The following MICAL3 variants were observed in gnomAD, a reference collection of about 807,000 sequenced individuals.
MICAL3 encodes microtubule associated monooxygenase, calponin and LIM domain containing 3.
A neutral mutation model predicts 207.4 loss-of-function variants in MICAL3; 62 were observed. The ratio of observed to expected loss-of-function variants is 0.30; its 90% confidence interval spans 0.24 to 0.37. The LOEUF (loss-of-function observed/expected upper bound fraction) is 0.37. Among genes scored for constraint, MICAL3 ranks in the 10% least tolerant of loss-of-function variants. The pLI is 1.00. For missense variants in MICAL3, 2,368 were observed against 2,635.6 expected, an observed-to-expected ratio of 0.90 and a Z score of 2.22; for synonymous variants, 1,077 against 1,069.3, an observed-to-expected ratio of 1.01 and a Z score of -0.14.
At chr22:17,871,042 C>T (rs1473035003) in intron 17 of MICAL3, among the ~76,000 whole-genome samples, 1 of 152,152 alleles carries the variant, frequency 6.6e-6, no homozygotes, top group African/African-American at 2.4e-5. Context: ...AAGATTACTG[C>T]CTCTCCTATT....
rs748767631 is a variant in MICAL3, at chr22:17,823,024, T to C, written c.3230A>G (p.Asp1077Gly). ...CCCTTCTATCTCGGCTGGTTCTGAG[T>C]CCACATCTTCCTCTAGGTCATTCTC... Reference protein sequence around the residue: ...LDENDLEEDVDSEPAEIEGEA... With the variant: ...LDENDLEEDVGSEPAEIEGEA... Residue 1077 changes from aspartate (D) to glycine (G), a missense_variant, in exon 23 of 32, where the codon GAC becomes GGC. Transcript: ENST00000441493. 1.9e-6 allele frequency: 3 copies of C among 1,613,656 alleles called. No homozygotes were observed. The highest frequency in any genetic ancestry group is 2.5e-6 in the Non-Finnish European group (3 of 1,179,696).
chr22:17,875,487 G>T, intron 16 of MICAL3: 1 of 1,556,292 alleles, frequency 6.4e-7, no homozygotes, highest in South Asian at 1.2e-5. Context: ...GGGGCGGGCA[G>T]AGGAGCGGAG....
chr22:17,822,091 C>T lies in MICAL3; in HGVS notation c.3387G>A (p.Leu1129=). 1 of 1,613,970 alleles carries T rather than the reference C, an allele frequency of 6.2e-7. No individual in the cohort carries two copies. The highest frequency in any genetic ancestry group is 8.5e-7 in the Non-Finnish European group (1 of 1,179,900). ...CCTCATCTTCCGACACCCTCAGCTC[C>T]AGCTCTGCTTCCCCCTCAGCTGGGC... ...LPCPAEGEAE[L]ELRVSEDEEK... The change falls in exon 24 of 32, where the codon CTG becomes CTA. Residue 1129 remains leucine, a synonymous_variant. Transcript: ENST00000441493.
chr22:17,928,076 G>A (rs1458229500), intron 1 of MICAL3, among the ~76,000 whole-genome samples: 1 of 152,216 alleles, frequency 6.6e-6, no homozygotes, highest in Non-Finnish European at 1.5e-5. Flanking sequence ...ACTATATGCA[G>A]CATAGCGTGG....
intron 1 of MICAL3, among the ~76,000 whole-genome samples, chr22:17,937,620 G>A (rs1478495529): frequency 2.0e-5 from 3 of 152,166 alleles, no homozygotes; most frequent in Admixed American, 6.5e-5. Flanking sequence ...CCAAGATCAC[G>A]CCATTGTACT....
chr22:17,891,776 A>G, intron 11 of MICAL3, 144 bp from the exon 12 acceptor site: 4 of 698,182 alleles, frequency 5.7e-6, no homozygotes, highest in Non-Finnish European at 9.7e-6. Flanking sequence ...ATGCAAAGAA[A>G]ACAGTGAGGA....
intron 1 of MICAL3, among the ~76,000 whole-genome samples, chr22:17,909,642 A>G (rs987673111): frequency 2.6e-5 from 4 of 152,252 alleles, no homozygotes; most frequent in Non-Finnish European, 5.9e-5. Context: ...AGTTTCCCCA[A>G]AAAAGAAAGG....
At chr22:17,941,688 T>G (rs893584470) in intron 1 of MICAL3, among the ~76,000 whole-genome samples, 7 of 152,244 alleles carry the variant, frequency 4.6e-5, no homozygotes, top group African/African-American at 1.7e-4. Context: ...AAATGTATTT[T>G]TACTATACTG....
intron 17 of MICAL3, among the ~76,000 whole-genome samples, chr22:17,868,262 G>T (rs1450945996): frequency 6.6e-6 from 1 of 151,744 alleles, no homozygotes; most frequent in Non-Finnish European, 1.5e-5. Context: ...TCACGTGTAC[G>T]CATCTCCCCA....
intron 12 of MICAL3, among the ~76,000 whole-genome samples, chr22:17,890,857 C>G (rs902033246): frequency 6.6e-6 from 1 of 152,220 alleles, no homozygotes; most frequent in Non-Finnish European, 1.5e-5. Context: ...GTCCCCGCAG[C>G]TGACCTGGGG....
intron 1 of MICAL3, among the ~76,000 whole-genome samples, chr22:17,928,487 G>A (rs146793791): frequency 4.6e-5 from 7 of 151,940 alleles, no homozygotes; most frequent in East Asian, 1.9e-4. Context: ...GTCTGCATGC[G>A]TCTTCATGTA....
chr22:17,877,342 G>GGGAGGCTAGGGAGGTTAGGGAGGTTAT (rs1928798101), intron 16 of MICAL3, among the ~76,000 whole-genome samples: 1 of 20,408 alleles, frequency 4.9e-5, no homozygotes, highest in South Asian at 1.4e-3. Context: ...ATGGAGGTTA[G>GGGAGGCTAGGGAGGTTAGGGAGGTTAT]GGAGGTTAGG....
At chr22:17,977,255 C>G (rs1490926047) in intron 1 of MICAL3, among the ~76,000 whole-genome samples, 1 of 152,106 alleles carries the variant, frequency 6.6e-6, no homozygotes, top group East Asian at 1.9e-4. Context: ...TGAAAACACA[C>G]CTACAGAATA....
chr22:17,920,367 C>G (rs142439754), intron 1 of MICAL3, among the ~76,000 whole-genome samples: 5 of 152,212 alleles, frequency 3.3e-5, no homozygotes, highest in Non-Finnish European at 7.3e-5. Flanking sequence ...TCCCCACCCT[C>G]CTAATGACCC....
At position 17,954,568 on chromosome 22, in the gene MICAL3, AG is replaced by A. The variant is rs796283641; in HGVS notation, c.-74-47683del. ...TTGCTAAAACTGGATTTTCCAAGGA[AG>A]TACATAGATGGGCCTAGCAAAAGAT... On this transcript the variant is annotated intron_variant, in intron 1 of 31. Coordinates refer to ENST00000441493, the MANE Select transcript of MICAL3 (RefSeq NM_015241.3). 8.3e-4 allele frequency among the ~76,000 whole-genome samples: 126 copies of A among 152,292 alleles called. 2 individuals carry two copies. The highest frequency in any genetic ancestry group is 2.9e-3 in the African/African-American group (119 of 41,556).
intron 1 of MICAL3, among the ~76,000 whole-genome samples, chr22:18,006,848 A>G (rs993897742): frequency 1.3e-5 from 2 of 152,104 alleles, no homozygotes; most frequent in African/African-American, 4.8e-5. Context: ...ACACACACAA[A>G]AAAATTCTGA....
At chr22:17,986,047 C>T (rs1199238175) in intron 1 of MICAL3, among the ~76,000 whole-genome samples, 8 of 152,152 alleles carry the variant, frequency 5.3e-5, no homozygotes, top group Non-Finnish European at 1.2e-4. Flanking sequence ...GCTAGGATTA[C>T]AGGCACCCGC....
intron 20 of MICAL3, 90 bp from the exon 21 acceptor site, chr22:17,832,197 G>T: frequency 1.4e-6 from 2 of 1,459,424 alleles, no homozygotes; most frequent in Non-Finnish European, 1.8e-6. Context: ...AACAATGCAT[G>T]TCAGGCAAAG....
intron 1 of MICAL3, among the ~76,000 whole-genome samples, chr22:18,000,210 C>G (rs1922778704): frequency 6.6e-6 from 1 of 150,464 alleles, no homozygotes; most frequent in Admixed American, 6.6e-5. Context: ...AAATGTCATC[C>G]TCTCCATGCA....
Sources: gnomAD v4.1 joint callset for allele counts (sites outside exome capture counted in the v4.1 genomes callset) on GRCh38, gnomAD v4.1.1 for gene constraint, MANE v1.5 for transcripts, NCBI Gene and HGNC (gene_info 2026-07-23, HGNC 2026-07-21) for gene names.